CPPED1: variants seen among roughly 807,000 people sequenced by gnomAD.
The protein encoded by CPPED1 is serine/threonine-protein phosphatase CPPED1.
A neutral mutation model predicts 28.0 loss-of-function variants in CPPED1; 28 were observed. That is an observed-to-expected ratio of 1.00 (90% CI 0.74 to 1.37). The LOEUF (loss-of-function observed/expected upper bound fraction) is 1.37, where lower values mean the gene tolerates loss of function less well. Among genes scored for constraint, CPPED1 ranks in the 40% most tolerant of loss-of-function variants. The pLI is 0.00. For missense variants in CPPED1, 504 were observed against 416.5 expected, an observed-to-expected ratio of 1.21 and a Z score of -1.83; for synonymous variants, 198 against 180.2, an observed-to-expected ratio of 1.10 and a Z score of -0.79.
At position 12,781,323 on chromosome 16, in the gene CPPED1, T is replaced by C; in HGVS notation, c.151A>G (p.Thr51Ala). 6.2e-7 allele frequency: 1 copy of C among 1,614,124 alleles called. No homozygotes were observed. Among genetic ancestry groups the C allele is most frequent in the Admixed American group, 1.7e-5 (1 of 60,024 alleles). ...PQFGLIKAWS[T>A]GDCDNGGDEW... Reference sequence around the variant, plus strand: ...TCACCGCCATTGTCACAGTCCCCAGTGGACCAGGCCTTGATCAGCCCAAAC... The same window carrying C: ...TCACCGCCATTGTCACAGTCCCCAGCGGACCAGGCCTTGATCAGCCCAAAC... The change falls in exon 2 of 4, where the codon ACT (threonine) becomes GCT (alanine). Residue 51 changes from threonine (T) to alanine (A), a missense_variant. Thr to Ala is a moderately conservative substitution (Grantham distance 58). Coordinates refer to ENST00000381774, the MANE Select transcript of CPPED1 (RefSeq NM_018340.3).
intron 2 of CPPED1, among the ~76,000 whole-genome samples, chr16:12,723,916 G>C (rs1398508323): frequency 6.6e-6 from 1 of 152,094 alleles, no homozygotes; most frequent in Non-Finnish European, 1.5e-5. Context: ...GCCTGACTCA[G>C]AGATCTGATC....
At chr16:12,671,586 C>T (rs2079853011) in intron 3 of CPPED1, among the ~76,000 whole-genome samples, 1 of 152,084 alleles carries the variant, frequency 6.6e-6, no homozygotes. Context: ...TGGATCAGCT[C>T]AGGTGCATAA....
At position 12,795,099 on chromosome 16, in the gene CPPED1, CAAG is replaced by C. The variant is rs1253787942; in HGVS notation, c.70+8605_70+8607del. On this transcript the variant is annotated intron_variant, in intron 1 of 3. Coordinates refer to ENST00000381774, the MANE Select transcript of CPPED1 (RefSeq NM_018340.3). Reference sequence around the variant, plus strand: ...GTTATTTTTTTTCCCATTTCCCTAACAAGACAGCAGGCAGCTGCTGTCCCAGGC... The same window carrying C: ...GTTATTTTTTTTCCCATTTCCCTAACACAGCAGGCAGCTGCTGTCCCAGGC... Among the ~76,000 whole-genome samples the C allele has an allele frequency of 2.0e-5, 3 of 152,362 alleles. No individual in the cohort carries two copies. The East Asian group carries it at 5.8e-4, about 29-fold the overall frequency.
chr16:12,694,923 G>A (rs984105520), intron 3 of CPPED1, among the ~76,000 whole-genome samples: 4 of 151,988 alleles, frequency 2.6e-5, no homozygotes, highest in African/African-American at 4.8e-5. Context: ...GATTACAGGT[G>A]TGCGCCACCA....
At chr16:12,768,227 CAT>C (rs2080450655) in intron 2 of CPPED1, among the ~76,000 whole-genome samples, 1 of 152,188 alleles carries the variant, frequency 6.6e-6, no homozygotes, top group Non-Finnish European at 1.5e-5. Context: ...TTGGTCCTGA[CAT>C]ATTTCTTCTC....
chr16:12,714,152 TATC>T (rs1236638484), intron 2 of CPPED1, among the ~76,000 whole-genome samples: 3 of 152,266 alleles, frequency 2.0e-5, no homozygotes, highest in Non-Finnish European at 2.9e-5. Context: ...TGTATGAATA[TATC>T]ATCATATTTT....
At chr16:12,685,645 T>C (rs2079928947) in intron 3 of CPPED1, among the ~76,000 whole-genome samples, 1 of 152,150 alleles carries the variant, frequency 6.6e-6, no homozygotes, top group Non-Finnish European at 1.5e-5. Flanking sequence ...TTGGAGACAG[T>C]GCTGGTTGCC....
At chr16:12,740,030 A>C (rs1338593898) in intron 2 of CPPED1, among the ~76,000 whole-genome samples, 2 of 139,436 alleles carry the variant, frequency 1.4e-5, no homozygotes, top group African/African-American at 3.1e-5. Context: ...CGAAAGAAAG[A>C]AAAGAAAAGA....
chr16:12,664,818 G>A lies in CPPED1; in HGVS notation c.*68C>T. The A allele has an allele frequency of 4.4e-6, 7 of 1,599,320 alleles. No individual in the cohort carries two copies. Among genetic ancestry groups the A allele is most frequent in the Non-Finnish European group, 6.0e-6 (7 of 1,175,596 alleles). ...TTTATATTTCAGCAAGAGGTTGTGT[G>A]CAGCTGCTGTTTCTGGCAAAATAAA... On this transcript the variant is annotated 3_prime_UTR_variant, in exon 4 of 4. Transcript: ENST00000381774. This position sits in a 1 kb window ranked among gnomAD's most constrained non-coding sequence, Gnocchi z 4.2.
chr16:12,735,742 ATGTT>A (rs2080223599), intron 2 of CPPED1, among the ~76,000 whole-genome samples: 1 of 152,272 alleles, frequency 6.6e-6, no homozygotes, highest in Non-Finnish European at 1.5e-5. Context: ...CCCTATATAA[ATGTT>A]AGTTATTACA....
chr16:12,690,103 CT>C lies in CPPED1; in HGVS notation c.715+14520del, dbSNP rs201949268. 2.7e-4 allele frequency among the ~76,000 whole-genome samples: 41 copies of C among 151,362 alleles called. 1 individual carries two copies. Among genetic ancestry groups the C allele is most frequent in the Admixed American group, 2.2e-3 (33 of 15,168 alleles). ...AGCTACGGTCTGCATTTTAAGTGAG[CT>C]TTTTTTTTGGCAGCCATAATCTTTA... is the stretch of plus-strand genomic sequence containing the variant. On this transcript the variant is annotated intron_variant, in intron 3 of 3. Coordinates refer to ENST00000381774, the MANE Select transcript of CPPED1 (RefSeq NM_018340.3).
chr16:12,781,058 A>G lies in CPPED1; in HGVS notation c.289+127T>C, dbSNP rs922665796. 567 of 720,792 alleles carry G rather than the reference A, an allele frequency of 7.9e-4. 1 individual carries two copies. Among genetic ancestry groups the G allele is most frequent in the Non-Finnish European group, 1.2e-3 (514 of 430,350 alleles). 44.6% of individuals were successfully genotyped at this position (720,792 alleles called of 1,614,324 possible). A position where few individuals can be genotyped will look rare whatever the true frequency, so the allele number is the denominator to read the frequency against. On this transcript the variant is annotated intron_variant, in intron 2 of 3. Coordinates refer to ENST00000381774, the MANE Select transcript of CPPED1 (RefSeq NM_018340.3). ...GATGTTCAATGATACTGCAACAATC[A>G]TGAAGCGAAAGAACGGTCCATGACT... is the stretch of plus-strand genomic sequence containing the variant.
intron 2 of CPPED1, among the ~76,000 whole-genome samples, chr16:12,762,723 G>A (rs2080416705): frequency 6.6e-6 from 1 of 152,096 alleles, no homozygotes; most frequent in Non-Finnish European, 1.5e-5. Context: ...CAGGGACGGA[G>A]TTTCTTTCTG....
intron 2 of CPPED1, among the ~76,000 whole-genome samples, chr16:12,748,882 CAA>C (rs35776807): frequency 4.4e-5 from 6 of 135,024 alleles, no homozygotes; most frequent in African/African-American, 2.9e-5. Context: ...GACTCCATCT[CAA>C]AAAAAAAAAA....
At chr16:12,713,921 CA>C (rs1452390540) in intron 2 of CPPED1, among the ~76,000 whole-genome samples, 4 of 152,130 alleles carry the variant, frequency 2.6e-5, no homozygotes, top group Non-Finnish European at 4.4e-5. Flanking sequence ...CACCCATTAG[CA>C]GCCCTTCCCC....
chr16:12,708,960 A>G (rs914860170), intron 2 of CPPED1, among the ~76,000 whole-genome samples: 2 of 152,144 alleles, frequency 1.3e-5, no homozygotes, highest in African/African-American at 4.8e-5. Context: ...TGGGCCTGTA[A>G]TCCCAGCTAC....
At chr16:12,696,037 A>T (rs901873573) in intron 3 of CPPED1, among the ~76,000 whole-genome samples, 1 of 152,242 alleles carries the variant, frequency 6.6e-6, no homozygotes, top group African/African-American at 2.4e-5. Context: ...TGTTAAAATT[A>T]AAAGTAGCAT....
chr16:12,744,266 G>A (rs1159604595), intron 2 of CPPED1, among the ~76,000 whole-genome samples: 1 of 77,182 alleles, frequency 1.3e-5, no homozygotes, highest in African/African-American at 5.8e-5. Flanking sequence ...GCAAGACTCT[G>A]TGAAAGAGAG....
At chr16:12,692,929 T>C (rs186855630) in intron 3 of CPPED1, among the ~76,000 whole-genome samples, 14 of 152,316 alleles carry the variant, frequency 9.2e-5, no homozygotes, top group Admixed American at 5.9e-4. Context: ...CCCTTCTATC[T>C]GGACAATGTT....
Sources: allele counts gnomAD v4.1 joint callset (sites outside exome capture counted in the v4.1 genomes callset), GRCh38; gene constraint gnomAD v4.1.1; non-coding constraint Gnocchi (gnomAD v3.1); transcripts MANE v1.5; gene names NCBI Gene and HGNC (gene_info 2026-07-23, HGNC 2026-07-21).